DNAH10: variants seen among roughly 807,000 people sequenced by gnomAD.
DNAH10 encodes dynein axonemal heavy chain 10.
DNAH10 carries 348 observed loss-of-function variants against 506.6 expected under a neutral mutation model. The observed-to-expected ratio is 0.69, with a 90% CI of 0.63 to 0.75. The LOEUF (loss-of-function observed/expected upper bound fraction) is 0.75, where lower values mean the gene tolerates loss of function less well. DNAH10 is among the 30% of genes least tolerant of loss of function. DNAH10 has a pLI of 0.00. For missense variants in DNAH10, 5,179 were observed against 5,787.1 expected (o/e 0.89, Z 3.41); for synonymous variants, 2,059 against 2,198.6 (o/e 0.94, Z 1.78).
intron 49 of DNAH10, 126 bp downstream of exon 49, chr12:123,879,483 AGGGT>A: frequency 2.2e-6 from 3 of 1,393,686 alleles, no homozygotes; most frequent in Middle Eastern, 1.9e-4. Flanking sequence ...GGGGCAAAGG[AGGGT>A]GGGTGGGTTA....
intron 2 of DNAH10, among the ~76,000 whole-genome samples, chr12:123,770,631 G>T (rs896308988): frequency 2.0e-5 from 3 of 152,014 alleles, no homozygotes; most frequent in South Asian, 2.1e-4. Context: ...AATTTGGCTG[G>T]TAGATGTTAC....
chr12:123,844,645 A>G (rs1414936203), intron 30 of DNAH10, among the ~76,000 whole-genome samples: 2 of 152,146 alleles, frequency 1.3e-5, no homozygotes, highest in African/African-American at 2.4e-5. Context: ...TGGAATTTTA[A>G]TTTTCTTTCT....
chr12:123,841,614 C>CTTGGAGTAGA, intron 30 of DNAH10, 69 bp downstream of exon 30: 1 of 1,464,568 alleles, frequency 6.8e-7, no homozygotes, highest in Admixed American at 2.0e-5. Flanking sequence ...ATTTTAAAGG[C>CTTGGAGTAGA]TTGGAGTAGA....
rs761564122 is a variant in DNAH10 at position 123,932,031 on chromosome 12, C to T, written c.13219C>T (p.Leu4407Phe). 1.9e-6 allele frequency: 3 copies of T among 1,613,900 alleles called. No individual in the cohort carries two copies. In the African/African-American group the frequency reaches 4.0e-5, roughly 22 times the overall value. The change falls in exon 76 of 79, where the codon CTT becomes TTT. Residue 4407 changes from leucine to phenylalanine, a missense_variant. Around this residue, in one of 3 missense-constraint regions of DNAH10, gnomAD observed 4,844 missense variants for 5,430.5 expected, o/e 0.89. Coordinates refer to ENST00000673944, the MANE Select transcript of DNAH10 (RefSeq NM_001372106.1). ...GCATATCCCTAATATCTGGAGAAGG[C>T]TTGCTCCTGACACCTTAAAGTCCCT... ...IGHIPNIWRRLAPDTLKSLGN... is the reference protein window; with the variant it reads ...IGHIPNIWRRFAPDTLKSLGN...
At chr12:123,887,373 A>G (rs1952783633) in intron 52 of DNAH10, 60 bp downstream of exon 52, 1 of 1,548,342 alleles carries the variant, frequency 6.5e-7, no homozygotes, top group Non-Finnish European at 8.7e-7. Flanking sequence ...AAGGGAGTTC[A>G]CTTTCTTCAG....
intron 52 of DNAH10, among the ~76,000 whole-genome samples, chr12:123,890,457 C>G (rs1212475214): frequency 6.8e-6 from 1 of 147,610 alleles, no homozygotes; most frequent in South Asian, 2.2e-4. Context: ...AAAAAACACA[C>G]TTTTTTTTTT....
intron 54 of DNAH10, among the ~76,000 whole-genome samples, chr12:123,896,720 A>G (rs989584912): frequency 1.6e-3 from 114 of 70,504 alleles, no homozygotes; most frequent in African/African-American, 9.5e-3. Context: ...CTGTCTCAAG[A>G]AAAAAAAAAA....
Position 123,859,265 on chromosome 12 carries a change from C to A in DNAH10, c.6746C>A (p.Thr2249Asn). The A allele has an allele frequency of 4.4e-6, 7 of 1,599,140 alleles. No individual in the cohort carries two copies. The highest frequency in any genetic ancestry group is 6.0e-6 in the Non-Finnish European group (7 of 1,174,344). The change falls in exon 38 of 79, where the codon ACC becomes AAC. Residue 2249 changes from threonine (T) to asparagine (N), a missense_variant. Thr to Asn is a moderately conservative substitution (Grantham distance 65). Coordinates refer to ENST00000673944, the MANE Select transcript of DNAH10 (RefSeq NM_001372106.1). ...VVINTLCQAQ[T>N]KLGLTTKLYI... ...ATTAACACTCTGTGTCAGGCCCAGA[C>A]CAAGTGAGTATGACCTCCGTAGGGA... is the stretch of plus-strand genomic sequence containing the variant.
chr12:123,805,651 C>T (rs548589477), intron 18 of DNAH10, among the ~76,000 whole-genome samples: 12 of 152,214 alleles, frequency 7.9e-5, no homozygotes, highest in South Asian at 2.1e-4. Context: ...GTTACCGTCA[C>T]GTCTATATTG....
chr12:123,793,560 G>A (rs560340904), intron 11 of DNAH10, among the ~76,000 whole-genome samples: 1 of 152,086 alleles, frequency 6.6e-6, no homozygotes, highest in African/African-American at 2.4e-5. Context: ...GGATGGTCTC[G>A]ATCTCCTGAC....
At position 123,929,485 on chromosome 12, in the gene DNAH10, G is replaced by A. The variant is rs1182526704; in HGVS notation, c.12516+1G>A. On this transcript the variant is annotated splice_donor_variant, in intron 71 of 78. Transcript: ENST00000673944. LOFTEE classifies it high-confidence loss of function. ...TGACTTCAATGAGTCTGACTTCCAG[G>A]TGACAGTGGCTGCTTCTCCTTGGAA... 6.2e-7 allele frequency: 1 copy of A among 1,612,338 alleles called. No homozygotes were observed. Among genetic ancestry groups the A allele is most frequent in the South Asian group, 1.1e-5 (1 of 90,476 alleles).
rs556068249 is a variant in DNAH10 at position 123,850,667 on chromosome 12, C to T, written c.6103-221C>T. ...CTTCTCCAAGGTAGTGCCCTGGGTT[C>T]AGGTCTGAGTTTGGGGTTCCACTGA... is the stretch of plus-strand genomic sequence containing the variant. On this transcript the variant is annotated intron_variant, in intron 34 of 78. Coordinates refer to ENST00000673944, the MANE Select transcript of DNAH10 (RefSeq NM_001372106.1). This position sits in a 1 kb window ranked among gnomAD's most constrained non-coding sequence, Gnocchi z 5.5. 1.3e-5 allele frequency among the ~76,000 whole-genome samples: 2 copies of T among 152,338 alleles called. No individual in the cohort carries two copies. The highest frequency in any genetic ancestry group is 3.9e-4 in the East Asian group (2 of 5,176).
chr12:123,804,475 A>G (rs1224184390), intron 17 of DNAH10, among the ~76,000 whole-genome samples: 1 of 151,634 alleles, frequency 6.6e-6, no homozygotes, highest in African/African-American at 2.4e-5. Flanking sequence ...CAGTGAGCCC[A>G]GATCGCACCA....
intron 56 of DNAH10, among the ~76,000 whole-genome samples, chr12:123,901,724 G>A (rs1353249265): frequency 2.6e-5 from 4 of 152,118 alleles, no homozygotes; most frequent in Non-Finnish European, 5.9e-5. Context: ...GCAGTGGCGC[G>A]ATCTCGGCTC....
intron 24 of DNAH10, among the ~76,000 whole-genome samples, chr12:123,824,452 G>C (rs1016710691): frequency 1.2e-4 from 18 of 152,136 alleles, no homozygotes; most frequent in Non-Finnish European, 1.9e-4. Context: ...AGGTGCGGAA[G>C]GTACTGAGCC....
Position 123,848,113 on chromosome 12 carries a change from CCTT to C in DNAH10, c.5949+19_5949+21del. ...ATTACAGGGTAAGGCCTGGCTGTCA[CCTT>C]TGGTACTGGCTCATTAGGCAGAGAG... On this transcript the variant is annotated intron_variant, in intron 33 of 78. Transcript: ENST00000673944. 6.2e-7 allele frequency: 1 copy of C among 1,607,410 alleles called. No individual in the cohort carries two copies.
Position 123,826,130 on chromosome 12 carries a change from AT to A in DNAH10, c.4180-556del, listed in dbSNP as rs66496890. 7.4e-4 allele frequency among the ~76,000 whole-genome samples: 112 copies of A among 151,042 alleles called. 1 individual carries two copies. The highest frequency in any genetic ancestry group is 1.5e-3 in the African/African-American group (63 of 41,208). On this transcript the variant is annotated intron_variant, in intron 24 of 78. Transcript: ENST00000673944. Reference sequence around the variant, plus strand: ...CAGCGAGACCCTGTCTCCAAAAAAAATAAAAATAATAATTTTTACATTAAAT... The same window carrying A: ...CAGCGAGACCCTGTCTCCAAAAAAAAAAAAATAATAATTTTTACATTAAAT...
At chr12:123,790,838 T>G (rs1958052165) in intron 11 of DNAH10, among the ~76,000 whole-genome samples, 2 of 152,164 alleles carry the variant, frequency 1.3e-5, no homozygotes, top group South Asian at 4.2e-4. Context: ...ATAGCCAGAA[T>G]TATAGGTCGG....
intron 4 of DNAH10, among the ~76,000 whole-genome samples, chr12:123,773,341 T>C (rs1382807914): frequency 6.6e-6 from 1 of 152,268 alleles, no homozygotes; most frequent in Non-Finnish European, 1.5e-5. Flanking sequence ...ACATATCAAA[T>C]AAAACCTTGT....
Sources: allele counts gnomAD v4.1 joint callset (sites outside exome capture counted in the v4.1 genomes callset), GRCh38; gene constraint gnomAD v4.1.1; regional missense constraint gnomAD v4.1.1; non-coding constraint Gnocchi (gnomAD v3.1); transcripts MANE v1.5; gene names NCBI Gene and HGNC (gene_info 2026-07-23, HGNC 2026-07-21).